Variants in PLPP1 observed in about 807,000 individuals in gnomAD.
PLPP1 encodes phospholipid phosphatase 1, also known as lipid phosphate phosphohydrolase 1a.
In PLPP1, 24 loss-of-function variants were observed where a neutral mutation model predicts 31.2. That is an observed-to-expected ratio of 0.77 (90% CI 0.56 to 1.08). The LOEUF (loss-of-function observed/expected upper bound fraction) is 1.08. Ranked by LOEUF, PLPP1 falls within the 50% of genes least tolerant of loss-of-function variation. The pLI, the probability that PLPP1 is intolerant of heterozygous loss-of-function variation, is 0.00. For missense variants in PLPP1, 319 were observed against 342.7 expected (o/e 0.93, Z 0.55); for synonymous variants, 146 against 126.3 (o/e 1.16, Z -1.05).
At chr5:55,468,556 C>A (rs1752353847) in intron 2 of PLPP1, among the ~76,000 whole-genome samples, 1 of 152,098 alleles carries the variant, frequency 6.6e-6, no homozygotes, top group Admixed American at 6.5e-5. Context: ...AATCCCAGCA[C>A]TTTGGGAGCC....
intron 1 of PLPP1, among the ~76,000 whole-genome samples, chr5:55,496,237 CCTT>C (rs1753001693): frequency 6.6e-6 from 1 of 152,112 alleles, no homozygotes; most frequent in African/African-American, 2.4e-5. Context: ...AGACTCTTCT[CCTT>C]ATAAACACTT....
intron 1 of PLPP1, among the ~76,000 whole-genome samples, chr5:55,497,181 G>A (rs566935331): frequency 6.6e-6 from 1 of 152,064 alleles, no homozygotes; most frequent in Non-Finnish European, 1.5e-5. Flanking sequence ...TAATATGGCA[G>A]CTGCAACGCC....
intron 4 of PLPP1, among the ~76,000 whole-genome samples, chr5:55,430,663 C>T (rs1333932105): frequency 2.0e-5 from 3 of 152,088 alleles, no homozygotes; most frequent in Non-Finnish European, 2.9e-5. Flanking sequence ...TACCGAAATA[C>T]GGATTCAAGA....
chr5:55,461,030 TACA>T (rs1179343577), intron 3 of PLPP1, among the ~76,000 whole-genome samples: 9 of 151,870 alleles, frequency 5.9e-5, no homozygotes, highest in East Asian at 1.9e-4. Context: ...CAAAAAATAC[TACA>T]ACAACAACAA....
At chr5:55,528,658 A>G (rs775897801) in intron 1 of PLPP1, among the ~76,000 whole-genome samples, 1 of 152,236 alleles carries the variant, frequency 6.6e-6, no homozygotes, top group Non-Finnish European at 1.5e-5. Context: ...GGGCTAAAAC[A>G]TCGCGCCTTT....
chr5:55,432,800 TAA>T (rs70992791), intron 4 of PLPP1, among the ~76,000 whole-genome samples: 256 of 145,544 alleles, frequency 1.8e-3, no homozygotes, highest in Middle Eastern at 0.01. Context: ...CTTCATGATT[TAA>T]AAAAAAAAAA....
At chr5:55,457,023 G>C (rs1283381200) in intron 3 of PLPP1, among the ~76,000 whole-genome samples, 1 of 152,010 alleles carries the variant, frequency 6.6e-6, no homozygotes, top group African/African-American at 2.4e-5. Context: ...ACCCGGGGAG[G>C]GTGGTGCAGG....
chr5:55,425,342 G>A lies in PLPP1; in HGVS notation c.727-8C>T. ...ATCCGATACATATACAGCCTACAGT[G>A]CAAAATATTTAATGGTATAATTTAG... On this transcript the variant is annotated splice_region_variant and splice_polypyrimidine_tract_variant and intron_variant, in intron 5 of 5. Coordinates refer to ENST00000307259, the MANE Select transcript of PLPP1 (RefSeq NM_003711.4). The A allele has an allele frequency of 6.3e-7, 1 of 1,585,562 alleles. No individual in the cohort carries two copies. Among genetic ancestry groups the A allele is most frequent in the Non-Finnish European group, 8.6e-7 (1 of 1,160,896 alleles).
intron 3 of PLPP1, among the ~76,000 whole-genome samples, chr5:55,455,308 C>T (rs550214578): frequency 2.7e-4 from 41 of 152,130 alleles, no homozygotes; most frequent in Non-Finnish European, 5.6e-4. Context: ...CCAGCTAGGC[C>T]GGGCACGGCA....
intron 2 of PLPP1, among the ~76,000 whole-genome samples, chr5:55,471,805 A>G (rs1182602591): frequency 2.0e-5 from 3 of 152,240 alleles, no homozygotes; most frequent in Non-Finnish European, 4.4e-5. Flanking sequence ...GAGTTAATGA[A>G]TAAAATTGAA....
At chr5:55,529,713 A>G (rs1740593098) in intron 1 of PLPP1, among the ~76,000 whole-genome samples, 1 of 152,146 alleles carries the variant, frequency 6.6e-6, no homozygotes, top group Non-Finnish European at 1.5e-5. Flanking sequence ...TCCATTTAGC[A>G]CTTCAAGTTT....
chr5:55,523,483 T>TG (rs1219664997), intron 1 of PLPP1, among the ~76,000 whole-genome samples: 1 of 152,160 alleles, frequency 6.6e-6, no homozygotes, highest in Non-Finnish European at 1.5e-5. Flanking sequence ...TTAGCCAGGT[T>TG]GCCTTGGGTG....
At chr5:55,530,977 G>C (rs1265969952) in intron 1 of PLPP1, among the ~76,000 whole-genome samples, 1 of 151,458 alleles carries the variant, frequency 6.6e-6, no homozygotes, top group Non-Finnish European at 1.5e-5. Context: ...CCCGGGGCTC[G>C]ATGCCCTACA....
chr5:55,498,966 G>T (rs62359583), intron 1 of PLPP1, among the ~76,000 whole-genome samples: 118,813 of 151,394 alleles, frequency 0.78, 47,535 homozygotes, highest in Middle Eastern at 0.88. Flanking sequence ...GAAGCACTGA[G>T]CTCTCAGCAG....
In PLPP1 at chr5:55,534,690, C is replaced by A. The variant is rs916383730; in HGVS notation, c.-61G>T. 2 of 1,487,120 alleles carry A rather than the reference C, an allele frequency of 1.3e-6. No individual in the cohort carries two copies. Among genetic ancestry groups the A allele is most frequent in the Non-Finnish European group, 1.8e-6 (2 of 1,111,606 alleles). 92.1% of individuals were successfully genotyped at this position (1,487,120 alleles called of 1,614,324 possible). A position where few individuals can be genotyped will look rare whatever the true frequency, so the allele number is the denominator to read the frequency against. ...CTGAGCTGCGGGACGGCGGCCGAGG[C>A]CCTTGATTCTCGAGCCCGGGCCGGG... is the stretch of plus-strand genomic sequence containing the variant. On this transcript the variant is annotated 5_prime_UTR_variant, in exon 1 of 6. Transcript: ENST00000307259.
intron 4 of PLPP1, among the ~76,000 whole-genome samples, chr5:55,437,799 G>A (rs1319178856): frequency 6.6e-6 from 1 of 152,208 alleles, no homozygotes; most frequent in Non-Finnish European, 1.5e-5. Flanking sequence ...AATCAGACAA[G>A]GTTCGTAGGC....
chr5:55,468,598 TCGA>T (rs1268333773), intron 2 of PLPP1, among the ~76,000 whole-genome samples: 1 of 152,008 alleles, frequency 6.6e-6, no homozygotes, highest in Non-Finnish European at 1.5e-5. Flanking sequence ...GGTCAGGAGT[TCGA>T]GACCAGCCTG....
intron 1 of PLPP1, among the ~76,000 whole-genome samples, chr5:55,501,216 G>A (rs991686359): frequency 7.9e-5 from 12 of 152,044 alleles, no homozygotes; most frequent in Non-Finnish European, 1.8e-4. Flanking sequence ...AGGAGGCTTT[G>A]ACAGAACAAT....
At chr5:55,456,329 A>G (rs1234709786) in intron 3 of PLPP1, among the ~76,000 whole-genome samples, 17 of 152,240 alleles carry the variant, frequency 1.1e-4, no homozygotes, top group African/African-American at 4.1e-4. Context: ...GAGAAAAGAG[A>G]GTCAATGGGA....
Sources: gnomAD v4.1 joint callset for allele counts (sites outside exome capture counted in the v4.1 genomes callset) on GRCh38, gnomAD v4.1.1 for gene constraint, MANE v1.5 for transcripts, NCBI Gene and HGNC (gene_info 2026-07-23, HGNC 2026-07-21) for gene names.